Variants in TTC29 observed in about 807,000 individuals in gnomAD.
TTC29 encodes the protein tetratricopeptide repeat domain 29, also known as tetratricopeptide repeat protein 29.
A neutral mutation model predicts 58.1 loss-of-function variants in TTC29; 49 were observed. The ratio of observed to expected loss-of-function variants is 0.84; its 90% CI spans 0.67 to 1.07. The LOEUF (loss-of-function observed/expected upper bound fraction) is 1.07. Ranked by LOEUF, TTC29 falls within the 50% of genes least tolerant of loss-of-function variation. The probability of loss-of-function intolerance (pLI) is 0.00; values close to 1 mark genes in which losing one functional copy is unlikely to be tolerated. For synonymous variants in TTC29, 209 were observed against 196.8 expected (o/e 1.06, Z -0.52); for missense variants, 582 against 555.6 (o/e 1.05, Z -0.48).
Position 146,769,534 on chromosome 4 carries a change from A to C in TTC29, c.1330+33923T>G, listed in dbSNP as rs916125505. On this transcript the variant is annotated intron_variant, in intron 11 of 12. Transcript: ENST00000325106. ...AAGCATATATTTTTTATGCCTACCC[A>C]GAAGAAAGATGTAGATGCAAAAGCA... 2.9e-4 allele frequency among the ~76,000 whole-genome samples: 44 copies of C among 152,148 alleles called. 1 individual carries two copies. The highest frequency in any genetic ancestry group is 1.1e-3 in the African/African-American group (44 of 41,554).
chr4:146,738,118 T>C (rs960733949), intron 11 of TTC29, among the ~76,000 whole-genome samples: 1 of 152,166 alleles, frequency 6.6e-6, no homozygotes, highest in Non-Finnish European at 1.5e-5. Context: ...GGAGGCACTA[T>C]CGGTCTAGTA....
chr4:146,749,085 A>G (rs1745768741), intron 11 of TTC29, among the ~76,000 whole-genome samples: 1 of 151,772 alleles, frequency 6.6e-6, no homozygotes, highest in Non-Finnish European at 1.5e-5. Flanking sequence ...TGGGAGGCCA[A>G]GGCAGGAGGA....
chr4:146,815,275 G>A (rs941639314), intron 10 of TTC29, among the ~76,000 whole-genome samples: 8 of 149,886 alleles, frequency 5.3e-5, no homozygotes, highest in African/African-American at 2.0e-4. Context: ...GGGTGGATTC[G>A]AGATATATAT....
At chr4:146,743,102 G>A (rs902364659) in intron 11 of TTC29, among the ~76,000 whole-genome samples, 1 of 151,434 alleles carries the variant, frequency 6.6e-6, no homozygotes, top group African/African-American at 2.4e-5. Flanking sequence ...TGCCAGGAAG[G>A]GCCAGGAAAA....
chr4:146,937,618 C>G lies in TTC29; in HGVS notation c.152G>C (p.Gly51Ala), dbSNP rs1457389338. Reference protein sequence around the residue: ...IDHYLEVNFKGLSKEEVAAYR... With the variant: ...IDHYLEVNFKALSKEEVAAYR... ...CGCAGCAACTTCCTCTTTTGATAAT[C>G]CTTTGAAATTTACCTCTAGATAATG... The change falls in exon 4 of 13, where the codon GGA becomes GCA. Residue 51 changes from glycine (G) to alanine (A), a missense_variant. By Grantham distance (60) the Gly-to-Ala change is moderately conservative (BLOSUM62 0). Coordinates refer to ENST00000325106, the MANE Select transcript of TTC29 (RefSeq NM_031956.4). 6.5e-7 allele frequency: 1 copy of G among 1,535,676 alleles called. No homozygotes were observed.
chr4:146,731,254 A>G (rs1744309056), intron 11 of TTC29, among the ~76,000 whole-genome samples: 1 of 152,126 alleles, frequency 6.6e-6, no homozygotes, highest in Non-Finnish European at 1.5e-5. Context: ...CAGGGTCATT[A>G]GTTGAGAGCA....
At chr4:146,742,996 G>C (rs189354150) in intron 11 of TTC29, among the ~76,000 whole-genome samples, 2 of 152,120 alleles carry the variant, frequency 1.3e-5, no homozygotes, top group Non-Finnish European at 2.9e-5. Context: ...TAAAGCAAAA[G>C]CATCAGCTAA....
chr4:146,710,473 G>A (rs745795870), intron 11 of TTC29, among the ~76,000 whole-genome samples: 5 of 152,054 alleles, frequency 3.3e-5, no homozygotes, highest in Non-Finnish European at 5.9e-5. Flanking sequence ...ATGTCCTTAC[G>A]CGGTGCATGA....
At chr4:146,707,738 T>C (rs1398910361) in intron 11 of TTC29, among the ~76,000 whole-genome samples, 187 bp from the exon 12 acceptor site, 1 of 152,096 alleles carries the variant, frequency 6.6e-6, no homozygotes, top group Non-Finnish European at 1.5e-5. Flanking sequence ...ACTCCACATG[T>C]TCCTGTACAG....
intron 11 of TTC29, among the ~76,000 whole-genome samples, chr4:146,728,757 ATG>A (rs1491105288): frequency 4.7e-5 from 6 of 126,798 alleles, no homozygotes; most frequent in African/African-American, 2.0e-4. Context: ...CAGAGGATAT[ATG>A]TACATATATA....
intron 6 of TTC29, among the ~76,000 whole-genome samples, chr4:146,875,720 G>A (rs1372035513): frequency 1.3e-5 from 2 of 152,092 alleles, no homozygotes; most frequent in African/African-American, 4.8e-5. Context: ...TGAGGTTTTT[G>A]TATATGCTGT....
intron 11 of TTC29, among the ~76,000 whole-genome samples, chr4:146,789,819 A>T (rs558993293): frequency 6.6e-6 from 1 of 152,308 alleles, no homozygotes; most frequent in African/African-American, 2.4e-5. Context: ...CTGCTTTACA[A>T]GCTATTCTTC....
chr4:146,873,874 A>G (rs957397193), intron 7 of TTC29, among the ~76,000 whole-genome samples: 12 of 152,158 alleles, frequency 7.9e-5, no homozygotes, highest in African/African-American at 2.7e-4. Flanking sequence ...TACTTAATAA[A>G]CCAATCAATT....
chr4:146,941,693 A>C (rs1352141748), intron 2 of TTC29, among the ~76,000 whole-genome samples: 1 of 152,172 alleles, frequency 6.6e-6, no homozygotes, highest in East Asian at 1.9e-4. Flanking sequence ...GGTTACTCTA[A>C]AAACTGGCTT....
intron 4 of TTC29, among the ~76,000 whole-genome samples, chr4:146,928,048 A>T (rs1735057454): frequency 6.6e-6 from 1 of 152,194 alleles, no homozygotes; most frequent in African/African-American, 2.4e-5. Flanking sequence ...AGATAGTAGC[A>T]AGTTTATCTA....
chr4:146,785,029 C>T (rs772442296), intron 11 of TTC29, among the ~76,000 whole-genome samples: 30 of 152,180 alleles, frequency 2.0e-4, no homozygotes, highest in African/African-American at 2.2e-4. Context: ...TTTGTTCCTA[C>T]GCAAAATGAC....
intron 9 of TTC29, among the ~76,000 whole-genome samples, chr4:146,830,677 T>C (rs1272401724): frequency 2.0e-5 from 3 of 152,210 alleles, no homozygotes; most frequent in African/African-American, 7.2e-5. Flanking sequence ...TTCCTCTATT[T>C]GGGCTGTAGT....
chr4:146,931,635 T>C (rs973089685), intron 4 of TTC29, among the ~76,000 whole-genome samples: 3 of 152,236 alleles, frequency 2.0e-5, no homozygotes, highest in African/African-American at 7.2e-5. Flanking sequence ...CCAGAGCTGC[T>C]AGTCATGATT....
At chr4:146,906,442 C>T (rs971535692) in intron 5 of TTC29, among the ~76,000 whole-genome samples, 3 of 152,106 alleles carry the variant, frequency 2.0e-5, no homozygotes, top group Non-Finnish European at 2.9e-5. Flanking sequence ...CAGTTATATG[C>T]TATCTCAGGA....
Sources: allele counts gnomAD v4.1 joint callset (sites outside exome capture counted in the v4.1 genomes callset), GRCh38; gene constraint gnomAD v4.1.1; transcripts MANE v1.5; gene names NCBI Gene and HGNC (gene_info 2026-07-23, HGNC 2026-07-21).